MLIP: variants seen among roughly 807,000 people sequenced by gnomAD.
The protein encoded by MLIP is muscular LMNA-interacting protein.
MLIP carries 79 observed loss-of-function variants against 84.8 expected under a neutral mutation model. The ratio of observed to expected loss-of-function variants is 0.93; its 90% confidence interval spans 0.78 to 1.12. The LOEUF (loss-of-function observed/expected upper bound fraction) is 1.12, where lower values mean the gene tolerates loss of function less well. MLIP is among the 50% of genes most tolerant of loss of function. The probability of loss-of-function intolerance (pLI) is 0.00; values close to 1 mark genes in which losing one functional copy is unlikely to be tolerated. For synonymous variants in MLIP, 504 were observed against 463.0 expected (o/e 1.09, Z -1.14); for missense variants, 1,257 against 1,160.6 (o/e 1.08, Z -1.21).
At chr6:54,216,867 G>A (rs1002147696) in intron 11 of MLIP, 2 of 985,268 alleles carry the variant, frequency 2.0e-6, no homozygotes, top group Non-Finnish European at 2.4e-6. Flanking sequence ...AGTAACATGA[G>A]GTTTTTGTGA....
chr6:54,120,045 T>C (rs1332963597), intron 1 of MLIP, among the ~76,000 whole-genome samples: 1 of 152,178 alleles, frequency 6.6e-6, no homozygotes, highest in Non-Finnish European at 1.5e-5. Flanking sequence ...TTCAGTTCAT[T>C]ATAAAACAAA....
intron 9 of MLIP, among the ~76,000 whole-genome samples, chr6:54,172,514 T>G (rs1582383727): frequency 6.6e-6 from 1 of 151,578 alleles, no homozygotes; most frequent in Non-Finnish European, 1.5e-5. Flanking sequence ...AGAAAGACAC[T>G]TTATTGTAGA....
intron 1 of MLIP, among the ~76,000 whole-genome samples, chr6:54,057,329 C>T (rs544634359): frequency 1.3e-5 from 2 of 152,314 alleles, no homozygotes; most frequent in African/African-American, 4.8e-5. Flanking sequence ...TCAGTAGTTA[C>T]AACTGCATAC....
intron 1 of MLIP, chr6:54,045,265 T>G (rs1764976742): frequency 6.6e-6 from 1 of 151,616 alleles, no homozygotes; most frequent in South Asian, 2.1e-4. Flanking sequence ...GGATAATCAC[T>G]TGAACCCGGG....
chr6:54,039,033 T>C (rs1764600314), intron 1 of MLIP, among the ~76,000 whole-genome samples: 1 of 151,818 alleles, frequency 6.6e-6, no homozygotes, highest in Admixed American at 6.6e-5. Flanking sequence ...AGACACATAA[T>C]CTCCACAGAA....
chr6:54,213,103 C>T (rs1779576788), intron 11 of MLIP, among the ~76,000 whole-genome samples: 1 of 152,204 alleles, frequency 6.6e-6, no homozygotes, highest in African/African-American at 2.4e-5. Context: ...ATAAAAGACT[C>T]TGGGTTAATC....
chr6:54,149,762 T>C (rs1399062079), intron 5 of MLIP, among the ~76,000 whole-genome samples: 1 of 152,142 alleles, frequency 6.6e-6, no homozygotes, highest in Non-Finnish European at 1.5e-5. Context: ...GATTTTTGCT[T>C]TGCTATTAAG....
chr6:54,080,668 G>A (rs1767083309), intron 1 of MLIP, among the ~76,000 whole-genome samples: 1 of 148,560 alleles, frequency 6.7e-6, no homozygotes, highest in Admixed American at 6.7e-5. Flanking sequence ...TGTTACATAT[G>A]CAAATTTCTT....
At chr6:54,173,673 C>T (rs563863518) in intron 9 of MLIP, among the ~76,000 whole-genome samples, 1 of 151,852 alleles carries the variant, frequency 6.6e-6, no homozygotes, top group African/African-American at 2.4e-5. Context: ...ATAATTACAT[C>T]ATGGAAAATG....
chr6:54,025,663 C>T (rs949272792), intron 1 of MLIP, among the ~76,000 whole-genome samples: 1 of 152,066 alleles, frequency 6.6e-6, no homozygotes, highest in Non-Finnish European at 1.5e-5. Context: ...GATAAAGTTG[C>T]CTTAGATGTT....
intron 11 of MLIP, among the ~76,000 whole-genome samples, chr6:54,225,605 A>G (rs769772154): frequency 6.6e-6 from 1 of 152,180 alleles, no homozygotes; most frequent in Non-Finnish European, 1.5e-5. Flanking sequence ...CTTCAGCTCA[A>G]ACTCAGTTAT....
In MLIP at chr6:54,137,701, A is replaced by G. The variant is rs958523439; in HGVS notation, c.1632A>G (p.Thr544=). ...TGCTCTCCCTGCTACAAACCAGTAC[A>G]TCCAGTTCTGTGGGTCTTCCTCCTG... ...NTMLSLLQTS[T]SSSVGLPPVP... The change falls in exon 4 of 14, where the codon ACA becomes ACG. Residue 544 remains threonine, a synonymous_variant. Coordinates refer to ENST00000502396, the MANE Select transcript of MLIP (RefSeq NM_001281747.2). 5.3e-5 allele frequency: 82 copies of G among 1,535,916 alleles called. No individual in the cohort carries two copies. Among genetic ancestry groups the G allele is most frequent in the Non-Finnish European group, 6.9e-5 (79 of 1,146,882 alleles).
At chr6:54,063,067 G>A (rs1047526763) in intron 1 of MLIP, among the ~76,000 whole-genome samples, 25 of 152,134 alleles carry the variant, frequency 1.6e-4, no homozygotes, top group Admixed American at 5.9e-4. Context: ...TTATCCGGTC[G>A]TGGTGGCGTA....
At chr6:54,146,992 A>G (rs12176530) in intron 4 of MLIP, among the ~76,000 whole-genome samples, 1,663 of 152,298 alleles carry the variant, frequency 0.011, 34 homozygotes, top group African/African-American at 0.035. Context: ...GGGATAGTAT[A>G]GTATCTACCT....
chr6:54,102,275 T>A (rs183034503), intron 1 of MLIP, among the ~76,000 whole-genome samples: 1 of 152,272 alleles, frequency 6.6e-6, no homozygotes, highest in Non-Finnish European at 1.5e-5. Context: ...AAAGATAATA[T>A]ATTAAATATC....
chr6:54,081,139 G>C (rs1035445176), intron 1 of MLIP, among the ~76,000 whole-genome samples: 17 of 152,226 alleles, frequency 1.1e-4, no homozygotes, highest in African/African-American at 4.1e-4. Flanking sequence ...TGACACTGAT[G>C]CCTCATTCTG....
At chr6:54,217,225 A>G in intron 11 of MLIP, 1 of 985,410 alleles carries the variant, frequency 1.0e-6, no homozygotes, top group Non-Finnish European at 1.2e-6. Context: ...GTGAAGAGGA[A>G]GTGAATTTTC....
At chr6:54,176,931 G>T (rs748048005) in intron 9 of MLIP, among the ~76,000 whole-genome samples, 3 of 152,014 alleles carry the variant, frequency 2.0e-5, no homozygotes, top group Non-Finnish European at 4.4e-5. Context: ...CAACAAACCT[G>T]ACAAAAACAA....
At chr6:54,228,464 A>T (rs1296724725) in intron 11 of MLIP, among the ~76,000 whole-genome samples, 1 of 152,190 alleles carries the variant, frequency 6.6e-6, no homozygotes. Context: ...CCAAGTGCTG[A>T]TAAGATTCTG....
Sources: allele counts gnomAD v4.1 joint callset (sites outside exome capture counted in the v4.1 genomes callset), GRCh38; gene constraint gnomAD v4.1.1; transcripts MANE v1.5; gene names NCBI Gene and HGNC (gene_info 2026-07-23, HGNC 2026-07-21).